NLRP4: variants seen among roughly 807,000 people sequenced by gnomAD.
NLRP4 encodes the protein NLR family pyrin domain containing 4.
In NLRP4, 44 loss-of-function variants were observed where a neutral mutation model predicts 84.7. That is an observed-to-expected ratio of 0.52 (90% confidence interval 0.41 to 0.67). NLRP4 has a LOEUF of 0.67. NLRP4 is among the 30% of genes least tolerant of loss of function. The probability of loss-of-function intolerance (pLI) is 0.00; values close to 1 mark genes in which losing one functional copy is unlikely to be tolerated. For missense variants in NLRP4, 1,260 were observed against 1,219.4 expected (o/e 1.03, Z -0.50); for synonymous variants, 544 against 476.4 (o/e 1.14, Z -1.85).
intron 1 of NLRP4, among the ~76,000 whole-genome samples, chr19:55,851,619 CGGTGT>C (rs1984148809): frequency 9.8e-6 from 1 of 101,650 alleles, no homozygotes; most frequent in East Asian, 3.2e-4. Flanking sequence ...TCCGTGGCTG[CGGTGT>C]AATGTCCGAG....
intron 1 of NLRP4, among the ~76,000 whole-genome samples, chr19:55,850,427 G>GTCCGTGGCTGCGGTGTAATT (rs1984042877): frequency 9.6e-5 from 3 of 31,130 alleles, no homozygotes; most frequent in African/African-American, 4.2e-4. Context: ...GCGGTGTAAT[G>GTCCGTGGCTGCGGTGTAATT]TCCGTGGCTG....
At chr19:55,869,405 A>G (rs374855424) in intron 6 of NLRP4, among the ~76,000 whole-genome samples, 40 of 151,984 alleles carry the variant, frequency 2.6e-4, no homozygotes, top group African/African-American at 8.9e-4. Flanking sequence ...AAAAAACAAC[A>G]AAGTCCACAA....
chr19:55,849,873 G>A (rs1378771698), intron 1 of NLRP4, among the ~76,000 whole-genome samples: 2,196 of 85,524 alleles, frequency 0.026, 163 homozygotes, highest in African/African-American at 0.08. Flanking sequence ...AATTTCCGTG[G>A]CCGCGGTGTA....
In NLRP4 at chr19:55,859,178, C is replaced by T. The variant is rs766622156; in HGVS notation, c.1785C>T (p.Tyr595=). The change falls in exon 3 of 10, where the codon TAC becomes TAT. Residue 595 remains tyrosine, a synonymous_variant. Transcript: ENST00000301295. ...DLVVSAYCLK[Y]CSSLRKLCFS... ...TGGTTTCTGCCTACTGCTTAAAATA[C>T]TGCTCCAGCTTGAGGAAACTCTGTT... The T allele has an allele frequency of 9.3e-6, 15 of 1,611,544 alleles. No individual in the cohort carries two copies. Among genetic ancestry groups the T allele is most frequent in the Non-Finnish European group, 1.2e-5 (14 of 1,177,860 alleles).
intron 7 of NLRP4, among the ~76,000 whole-genome samples, chr19:55,872,444 C>T (rs1339668943): frequency 2.6e-5 from 4 of 152,032 alleles, no homozygotes; most frequent in Non-Finnish European, 5.9e-5. Context: ...AAACAGCTAC[C>T]AAACTATCTA....
intron 3 of NLRP4, among the ~76,000 whole-genome samples, chr19:55,860,872 GGAGGCT>G (rs1984724238): frequency 6.6e-6 from 1 of 152,150 alleles, no homozygotes; most frequent in Non-Finnish European, 1.5e-5. Flanking sequence ...CAGCTACTCA[GGAGGCT>G]GAGGCAGGAG....
At chr19:55,846,672 G>C (rs1983807828) in intron 1 of NLRP4, among the ~76,000 whole-genome samples, 1 of 152,132 alleles carries the variant, frequency 6.6e-6, no homozygotes, top group Admixed American at 6.6e-5. Context: ...AGCATTTAGT[G>C]TGTCTAGGGA....
chr19:55,880,366 C>A (rs559175173), intron 9 of NLRP4, among the ~76,000 whole-genome samples: 358 of 152,294 alleles, frequency 2.4e-3, no homozygotes, highest in Non-Finnish European at 3.8e-3. Flanking sequence ...TTCTGAGTCA[C>A]GGAGGTCTGT....
chr19:55,868,411 C>T (rs1985046252), intron 6 of NLRP4, among the ~76,000 whole-genome samples: 1 of 151,840 alleles, frequency 6.6e-6, no homozygotes, highest in African/African-American at 2.4e-5. Context: ...GTGTTAAAGG[C>T]CAATTGATTT....
chr19:55,858,833 A>G lies in NLRP4; in HGVS notation c.1440A>G (p.Val480=). ...ATCCTCACCCAGCTGTGAGATGTGT[A>G]CAGGAATTGCTAGTTGCCAATTTTG... ...LDHPHPAVRC[V]QELLVANFEK... The change falls in exon 3 of 10, where the codon GTA becomes GTG. Residue 480 remains valine, a synonymous_variant. Coordinates refer to ENST00000301295, the MANE Select transcript of NLRP4 (RefSeq NM_134444.5). This position sits in a 1 kb window ranked among gnomAD's most constrained non-coding sequence, Gnocchi z 4.2. The G allele has an allele frequency of 6.2e-7, 1 of 1,614,176 alleles. No homozygotes were observed. Among genetic ancestry groups the G allele is most frequent in the African/African-American group, 1.3e-5 (1 of 75,068 alleles).
intron 7 of NLRP4, among the ~76,000 whole-genome samples, chr19:55,876,653 G>T (rs554725360): frequency 1.9e-4 from 29 of 152,116 alleles, no homozygotes; most frequent in African/African-American, 6.7e-4. Context: ...ATGAGCCACC[G>T]CATCTGGCCT....
Position 55,858,662 on chromosome 19 carries a change from GGTT to G in NLRP4, c.1274_1276del (p.Val425del), listed in dbSNP as rs771229777. 6.2e-7 allele frequency: 1 copy of G among 1,614,190 alleles called. No individual in the cohort carries two copies. The highest frequency in any genetic ancestry group is 2.2e-5 in the East Asian group (1 of 44,886). On this transcript the variant is annotated inframe_deletion, in exon 3 of 10. Coordinates refer to ENST00000301295, the MANE Select transcript of NLRP4 (RefSeq NM_134444.5). The surrounding 1 kb of genome is among the most constrained non-coding windows in gnomAD (Gnocchi z 4.2). The stretch of plus-strand genomic sequence containing the variant: ...GTGAAGACGACCTCCGGAGAAATGG[GGTT>G]GTTGACGCTGACATCCCTGCGCTGC...
intron 8 of NLRP4, among the ~76,000 whole-genome samples, chr19:55,877,487 C>T (rs1417660894): frequency 2.6e-5 from 4 of 152,274 alleles, no homozygotes; most frequent in Middle Eastern, 3.4e-3. Flanking sequence ...TTGGGGATGA[C>T]AGGTGTAACT....
At chr19:55,837,090 G>T (rs1269220137) in intron 1 of NLRP4, among the ~76,000 whole-genome samples, 156 bp downstream of exon 1, 2 of 152,122 alleles carry the variant, frequency 1.3e-5, no homozygotes, top group Non-Finnish European at 2.9e-5. Context: ...TACTAATTAT[G>T]TATATTAGCT....
Position 55,850,766 on chromosome 19 carries a change from T to TTCCCGAGGCTGCGGTGTAA in NLRP4, c.-65-1249_-65-1248insCCCGAGGCTGCGGTGTAAT, listed in dbSNP as rs1945513065. On this transcript the variant is annotated intron_variant, in intron 1 of 9. Transcript: ENST00000301295. ...TGTACTTCCCGAGGCTGCGGTGTAA[T>TTCCCGAGGCTGCGGTGTAA]TTCCGAGGCTGCGGTGTAATTCCCG... Among the ~76,000 whole-genome samples the TTCCCGAGGCTGCGGTGTAA allele has an allele frequency of 3.0e-5, 4 of 131,962 alleles. 1 individual carries two copies. The highest frequency in any genetic ancestry group is 3.2e-5 in the Non-Finnish European group (2 of 63,016). The allele number at this position is 131,962 out of a possible 152,430, so 86.6% of individuals were successfully genotyped here. A position where few individuals can be genotyped will look rare whatever the true frequency, so the allele number is the denominator to read the frequency against.
At chr19:55,871,657 G>T in intron 7 of NLRP4, among the ~76,000 whole-genome samples, 1 of 152,118 alleles carries the variant, frequency 6.6e-6, no homozygotes, top group East Asian at 1.9e-4. Flanking sequence ...TAGGAAATCA[G>T]TTTAGGATTT....
At chr19:55,838,586 T>C (rs1983486121) in intron 1 of NLRP4, among the ~76,000 whole-genome samples, 1 of 152,052 alleles carries the variant, frequency 6.6e-6, no homozygotes, top group South Asian at 2.1e-4. Context: ...TAGTACGCTA[T>C]TAAAAGAAAA....
intron 1 of NLRP4, among the ~76,000 whole-genome samples, chr19:55,849,066 A>T (rs1983916783): frequency 6.6e-6 from 1 of 152,144 alleles, no homozygotes; most frequent in African/African-American, 2.4e-5. Context: ...GTCTTGGGTA[A>T]TGTCTCTATC....
At chr19:55,850,766 TTTCC>T (rs1568659300) in intron 1 of NLRP4, among the ~76,000 whole-genome samples, 2 of 131,960 alleles carry the variant, frequency 1.5e-5, no homozygotes, top group Non-Finnish European at 3.2e-5. Flanking sequence ...TGCGGTGTAA[TTTCC>T]GAGGCTGCGG....
Sources: gnomAD v4.1 joint callset for allele counts (sites outside exome capture counted in the v4.1 genomes callset) on GRCh38, gnomAD v4.1.1 for gene constraint, Gnocchi (gnomAD v3.1) non-coding constraint, MANE v1.5 for transcripts, NCBI Gene and HGNC (gene_info 2026-07-23, HGNC 2026-07-21) for gene names.